The following PTPRN2 variants were observed in gnomAD, a reference collection of about 807,000 sequenced individuals.
The protein encoded by PTPRN2 is protein tyrosine phosphatase receptor type N2.
Under a neutral mutation model 118.8 loss-of-function variants are expected in PTPRN2, and 74 were observed. The observed-to-expected ratio is 0.62, with a 90% CI of 0.52 to 0.76. PTPRN2 has a LOEUF of 0.76. PTPRN2 is among the 30% of genes least tolerant of loss of function. The pLI, the probability that PTPRN2 is intolerant of heterozygous loss-of-function variation, is 0.00. For synonymous variants in PTPRN2, 641 were observed against 608.0 expected (o/e 1.05, Z -0.80); for missense variants, 1,481 against 1,394.4 (o/e 1.06, Z -0.99).
chr7:158,097,811 A>G (rs577123616), intron 10 of PTPRN2, among the ~76,000 whole-genome samples: 2 of 152,386 alleles, frequency 1.3e-5, no homozygotes, highest in African/African-American at 4.8e-5. Flanking sequence ...TTTATGTGAC[A>G]GCTACATAAC....
chr7:158,420,412 T>G (rs1406988463), intron 2 of PTPRN2, among the ~76,000 whole-genome samples: 2 of 152,170 alleles, frequency 1.3e-5, no homozygotes, highest in African/African-American at 4.8e-5. Flanking sequence ...AATCTTGGCT[T>G]TGTCTTTTCC....
chr7:157,728,471 C>T (rs544122142), intron 12 of PTPRN2, among the ~76,000 whole-genome samples: 8 of 152,358 alleles, frequency 5.3e-5, no homozygotes, highest in African/African-American at 1.9e-4. Flanking sequence ...CACTTGTCTG[C>T]ATCCCGGGGC....
intron 12 of PTPRN2, among the ~76,000 whole-genome samples, chr7:157,702,576 G>A (rs1388280102): frequency 2.6e-5 from 4 of 152,200 alleles, no homozygotes; most frequent in Admixed American, 6.5e-5. Context: ...GTGCTGCGGC[G>A]TTGGTGAGAG....
intron 13 of PTPRN2, among the ~76,000 whole-genome samples, chr7:157,670,673 G>A (rs1002227674): frequency 2.0e-5 from 3 of 152,238 alleles, no homozygotes; most frequent in South Asian, 4.1e-4. Context: ...CGGCTCCCAC[G>A]GAGGATGACT....
rs1805744103 is a variant in PTPRN2 at position 157,808,094 on chromosome 7, C to T, written c.1788+90579G>A. 1.3e-5 allele frequency among the ~76,000 whole-genome samples: 2 copies of T among 152,128 alleles called. No individual in the cohort carries two copies. The highest frequency in any genetic ancestry group is 2.4e-5 in the African/African-American group (1 of 41,378). On this transcript the variant is annotated intron_variant, in intron 12 of 22. Coordinates refer to ENST00000389418, the MANE Select transcript of PTPRN2 (RefSeq NM_002847.5). This position sits in a 1 kb window ranked among gnomAD's most constrained non-coding sequence, Gnocchi z 5.0. ...TCCCAGATCTCCCACCCATGTCTTC[C>T]CACTGGACCAGGCATCCCCAGCCTC...
At chr7:158,094,555 C>T (rs1563426858) in intron 10 of PTPRN2, among the ~76,000 whole-genome samples, 1 of 152,158 alleles carries the variant, frequency 6.6e-6, no homozygotes, top group Non-Finnish European at 1.5e-5. Flanking sequence ...GATCCGCCCA[C>T]CTCGGCCTCC....
rs544744791 is a variant in PTPRN2, at chr7:158,509,879, G to A, written c.113-20094C>T. Among the ~76,000 whole-genome samples the A allele has an allele frequency of 5.3e-4, 81 of 152,312 alleles. No individual in the cohort carries two copies. Among genetic ancestry groups the A allele is most frequent in the African/African-American group, 1.4e-3 (59 of 41,566 alleles). ...TGCATCTTAGATAGTCATTCCACCC[G>A]GCAAGCACCAACTCAAGGATGTTCA... On this transcript the variant is annotated intron_variant, in intron 1 of 22. Transcript: ENST00000389418. The surrounding 1 kb of genome is among the most constrained non-coding windows in gnomAD (Gnocchi z 4.4).
intron 2 of PTPRN2, among the ~76,000 whole-genome samples, chr7:158,477,844 G>T (rs939756488): frequency 4.6e-5 from 7 of 152,220 alleles, no homozygotes; most frequent in Admixed American, 3.9e-4. Flanking sequence ...TGAAAGCTCA[G>T]CCAAGCCACG....
chr7:158,145,683 T>A (rs993572885), intron 6 of PTPRN2, among the ~76,000 whole-genome samples: 1 of 152,244 alleles, frequency 6.6e-6, no homozygotes, highest in Non-Finnish European at 1.5e-5. Flanking sequence ...TGCAGCTGCC[T>A]GCACACTTTC....
chr7:158,579,293 T>G (rs112276685), intron 1 of PTPRN2, among the ~76,000 whole-genome samples: 1,545 of 152,374 alleles, frequency 0.01, 28 homozygotes, highest in African/African-American at 0.034. Context: ...CATCTGAGAC[T>G]TGGATTTTCT....
intron 12 of PTPRN2, among the ~76,000 whole-genome samples, chr7:157,736,341 T>C (rs1210889621): frequency 2.0e-5 from 3 of 152,186 alleles, no homozygotes; most frequent in Admixed American, 1.3e-4. Context: ...CTGATCCCCA[T>C]GTGCCTATAT....
intron 11 of PTPRN2, among the ~76,000 whole-genome samples, chr7:157,958,801 T>G (rs1801344006): frequency 6.6e-6 from 1 of 152,180 alleles, no homozygotes; most frequent in Admixed American, 6.5e-5. Flanking sequence ...ATTATAAGGC[T>G]CATTATTGTT....
chr7:158,543,697 C>T (rs914103893), intron 1 of PTPRN2, among the ~76,000 whole-genome samples: 1 of 152,232 alleles, frequency 6.6e-6, no homozygotes, highest in Non-Finnish European at 1.5e-5. Flanking sequence ...AGTGGATGTT[C>T]TTAAAATTGG....
chr7:158,441,205 T>TAGTGATAGTGGTGAA (rs1817109667), intron 2 of PTPRN2, among the ~76,000 whole-genome samples: 1 of 140,514 alleles, frequency 7.1e-6, no homozygotes, highest in African/African-American at 2.7e-5. Context: ...ATGGTGATGG[T>TAGTGATAGTGGTGAA]GGTGGTGGTG....
intron 1 of PTPRN2, among the ~76,000 whole-genome samples, chr7:158,556,332 T>C (rs1256190863): frequency 1.3e-5 from 2 of 152,164 alleles, no homozygotes; most frequent in African/African-American, 4.8e-5. Context: ...GGCGGGCAGA[T>C]CACCTGAGGT....
Position 158,127,495 on chromosome 7 carries a change from C to T in PTPRN2, c.1556+6182G>A, listed in dbSNP as rs564814407. On this transcript the variant is annotated intron_variant, in intron 9 of 22. Coordinates refer to ENST00000389418, the MANE Select transcript of PTPRN2 (RefSeq NM_002847.5). Reference sequence around the variant, plus strand: ...TCTCGGGGCTGCCGTGGGACCCTGACCCTGGATGCCGGACTTCCGTGGGTC... The same window carrying T: ...TCTCGGGGCTGCCGTGGGACCCTGATCCTGGATGCCGGACTTCCGTGGGTC... Among the ~76,000 whole-genome samples the T allele has an allele frequency of 3.4e-4, 52 of 152,290 alleles. No homozygotes were observed. The South Asian group carries it at 0.01, about 30-fold the overall frequency.
intron 3 of PTPRN2, among the ~76,000 whole-genome samples, chr7:158,304,051 T>C (rs1801090202): frequency 6.6e-6 from 1 of 152,096 alleles, no homozygotes; most frequent in Admixed American, 6.5e-5. Context: ...CTTGGATTTC[T>C]ACATGCTAGG....
rs116425675 is a variant in PTPRN2, at chr7:158,232,684, A to G, written c.278-27411T>C. Among the ~76,000 whole-genome samples, 1,355 of 152,300 alleles carry G rather than the reference A, an allele frequency of 8.9e-3. 25 individuals are homozygous for G. The highest frequency in any genetic ancestry group is 0.031 in the African/African-American group (1,282 of 41,564). ...CATAGACACAAAAATCTTCAACAAA[A>G]TATTAGCAAACTGAATTCAAGAACA... On this transcript the variant is annotated intron_variant, in intron 3 of 22. Transcript: ENST00000389418.
Position 157,756,978 on chromosome 7 carries a change from G to T in PTPRN2, c.1789-74041C>A, listed in dbSNP as rs527944031. Among the ~76,000 whole-genome samples the T allele has an allele frequency of 2.0e-5, 3 of 152,278 alleles. No individual in the cohort carries two copies. The East Asian group carries it at 5.8e-4, about 29-fold the overall frequency. On this transcript the variant is annotated intron_variant, in intron 12 of 22. Transcript: ENST00000389418. Reference sequence around the variant, plus strand: ...GAGCCTGGAACATGCAGGGCCACGCGTGAGGGACGGGCCGAAGTCAGGGAT... The same window carrying T: ...GAGCCTGGAACATGCAGGGCCACGCTTGAGGGACGGGCCGAAGTCAGGGAT...
Sources: gnomAD v4.1 joint callset for allele counts (sites outside exome capture counted in the v4.1 genomes callset) on GRCh38, gnomAD v4.1.1 for gene constraint, Gnocchi (gnomAD v3.1) non-coding constraint, MANE v1.5 for transcripts, NCBI Gene and HGNC (gene_info 2026-07-23, HGNC 2026-07-21) for gene names.